The following TRPV5 variants were observed in gnomAD, a reference collection of about 807,000 sequenced individuals.
TRPV5 encodes the protein transient receptor potential cation channel subfamily V member 5, also known as calcium transport protein 2.
A neutral mutation model predicts 74.1 loss-of-function variants in TRPV5; 66 were observed. That is an observed-to-expected ratio of 0.89 (90% CI 0.73 to 1.09). The LOEUF (loss-of-function observed/expected upper bound fraction) is 1.09. Among genes scored for constraint, TRPV5 ranks in the 50% least tolerant of loss-of-function variants. The pLI is 0.00. For synonymous variants in TRPV5, 399 were observed against 360.7 expected (o/e 1.11, Z -1.20); for missense variants, 936 against 930.4 (o/e 1.01, Z -0.08).
intron 13 of TRPV5, 46 bp from the exon 14 acceptor site, chr7:142,909,642 A>T: frequency 6.3e-7 from 1 of 1,590,166 alleles, no homozygotes; most frequent in South Asian, 1.1e-5. Context: ...AAGAGCCATG[A>T]GGTTCAAAGA....
chr7:142,929,034 G>T lies in TRPV5; in HGVS notation c.574C>A (p.Gln192Lys). Residue 192 changes from glutamine to lysine, a missense_variant, in exon 5 of 15, where the codon CAG becomes AAG. Gln to Lys is a moderately conservative substitution (Grantham distance 53, BLOSUM62 1). Coordinates refer to ENST00000265310, the MANE Select transcript of TRPV5 (RefSeq NM_019841.7). ...LIEHGADIRA[Q>K]DSLGNTVLHI... The stretch of plus-strand genomic sequence containing the variant: ...TCCCAGCTCTTACCCAGGGAGTCCT[G>T]GGCCCTGATGTCAGCTCCATGCTCA... The T allele has an allele frequency of 6.2e-7, 1 of 1,613,966 alleles. No individual in the cohort carries two copies. The highest frequency in any genetic ancestry group is 8.5e-7 in the Non-Finnish European group (1 of 1,180,010).
At chr7:142,932,045 G>A (rs1796104870) in intron 1 of TRPV5, among the ~76,000 whole-genome samples, 1 of 152,114 alleles carries the variant, frequency 6.6e-6, no homozygotes. Context: ...CTAAAGGTGG[G>A]GCCTGGTTTT....
chr7:142,912,585 A>G lies in TRPV5; in HGVS notation c.1685T>C (p.Phe562Ser). The change falls in exon 13 of 15, where the codon TTC becomes TCC. Residue 562 changes from phenylalanine (F) to serine (S), a missense_variant. Coordinates refer to ENST00000265310, the MANE Select transcript of TRPV5 (RefSeq NM_019841.7). ...PFMFSIVNFAFTIIATLLMLN... is the reference protein window; with the variant it reads ...PFMFSIVNFASTIIATLLMLN... ...CATGAGCAGTGTGGCAATGATGGTG[A>G]AGGCGAAGTTGACAATGCTGAACAT... 6.2e-7 allele frequency: 1 copy of G among 1,614,036 alleles called. No homozygotes were observed.
In TRPV5 at chr7:142,912,516, A is replaced by G. The variant is rs775097815; in HGVS notation, c.1754T>C (p.Val585Ala). Residue 585 changes from valine to alanine, a missense_variant, in exon 13 of 15, where the codon GTG becomes GCG. Physicochemically the swap from Val to Ala is moderately conservative, Grantham distance 64. Transcript: ENST00000265310. Reference protein sequence around the residue: ...IAMMGDTHWRVAQERDELWRA... With the variant: ...IAMMGDTHWRAAQERDELWRA... ...CCAGAGCTCATCCCTCTCCTGGGCC[A>G]CCCTCCAGTGGGTGTCGCCCATCAT... 8.7e-6 allele frequency: 14 copies of G among 1,614,168 alleles called. No homozygotes were observed. Among genetic ancestry groups the G allele is most frequent in the Non-Finnish European group, 1.2e-5 (14 of 1,180,012 alleles).
chr7:142,930,274 C>T (rs763957553), intron 2 of TRPV5, 75 bp downstream of exon 2: 70 of 1,610,508 alleles, frequency 4.3e-5, no homozygotes, highest in Non-Finnish European at 5.9e-5. Flanking sequence ...GGCCCTATTT[C>T]ACAAACTCGA....
intron 12 of TRPV5, 152 bp downstream of exon 12, chr7:142,914,488 A>G (rs151150519): frequency 1.3e-6 from 1 of 750,700 alleles, no homozygotes; most frequent in Non-Finnish European, 2.2e-6. Context: ...GTGCTTTTAG[A>G]CTTACCTTCC....
intron 12 of TRPV5, 61 bp from the exon 13 acceptor site, chr7:142,912,811 A>C: frequency 6.4e-7 from 1 of 1,552,838 alleles, no homozygotes; most frequent in Non-Finnish European, 8.8e-7. Flanking sequence ...ATAAGCATGG[A>C]CATGGTTAGC....
chr7:142,925,399 A>G (rs1795966505), intron 8 of TRPV5, 130 bp downstream of exon 8: 1 of 857,902 alleles, frequency 1.2e-6, no homozygotes, highest in African/African-American at 1.7e-5. Context: ...TCTAATTTCT[A>G]CCTGGGTGTT....
rs780603070 is a variant in TRPV5, at chr7:142,933,369, G to T, written c.91C>A (p.Gln31Lys). 2 of 1,613,966 alleles carry T rather than the reference G, an allele frequency of 1.2e-6. No homozygotes were observed. Among genetic ancestry groups the T allele is most frequent in the African/African-American group, 1.3e-5 (1 of 74,918 alleles). The change falls in exon 1 of 15, where the codon CAG (glutamine) becomes AAG (lysine). Residue 31 changes from glutamine (Q) to lysine (K), a missense_variant. Transcript: ENST00000265310. ...AGCATATGAAGCTTGTCCAGGTGCTGGTCCCAGTCTTGTTCTCTGACCAGA... is the reference window on the plus strand; with the variant it reads ...AGCATATGAAGCTTGTCCAGGTGCTTGTCCCAGTCTTGTTCTCTGACCAGA... Reference protein sequence around the residue: ...SFLVREQDWDQHLDKLHMLQQ... With the variant: ...SFLVREQDWDKHLDKLHMLQQ...
At chr7:142,924,357 TATACATGTATATATATAC>T (rs1795944609) in intron 8 of TRPV5, among the ~76,000 whole-genome samples, 3 of 23,186 alleles carry the variant, frequency 1.3e-4, no homozygotes, top group Admixed American at 9.4e-4. Context: ...TATATAGACA[TATACATGTATATATATAC>T]ATATATATAT....
chr7:142,920,198 C>T (rs1167352077), intron 8 of TRPV5, among the ~76,000 whole-genome samples: 1 of 152,180 alleles, frequency 6.6e-6, no homozygotes, highest in Non-Finnish European at 1.5e-5. Flanking sequence ...ATCTGGTTCC[C>T]ATGTAAGTCA....
chr7:142,912,335 C>T, intron 13 of TRPV5, 147 bp downstream of exon 13: 1 of 1,020,998 alleles, frequency 9.8e-7, no homozygotes, highest in Non-Finnish European at 1.4e-6. Flanking sequence ...TCCACATGTA[C>T]CTCAGGTTTA....
At chr7:142,910,380 T>C (rs966228719) in intron 13 of TRPV5, among the ~76,000 whole-genome samples, 4 of 152,184 alleles carry the variant, frequency 2.6e-5, no homozygotes, top group African/African-American at 9.7e-5. Context: ...CATTTGTATA[T>C]TTGCTAAAAG....
At chr7:142,925,829 A>T in intron 7 of TRPV5, 88 bp from the exon 8 acceptor site, 1 of 1,070,946 alleles carries the variant, frequency 9.3e-7, no homozygotes. Context: ...CAGGGCAGCA[A>T]CCATCACTCA....
Position 142,933,546 on chromosome 7 carries a change from T to A in TRPV5, c.-87A>T. On this transcript the variant is annotated 5_prime_UTR_variant, in exon 1 of 15. Transcript: ENST00000265310. ...GACAGCAACTGAGCAAGAGATGGGG[T>A]CTATTTGGGGCTGGGACTCTGAGTT... 6.5e-7 allele frequency: 1 copy of A among 1,536,530 alleles called. No homozygotes were observed. Among genetic ancestry groups the A allele is most frequent in the Non-Finnish European group, 8.8e-7 (1 of 1,139,232 alleles).
chr7:142,920,573 G>A (rs539110309), intron 8 of TRPV5, among the ~76,000 whole-genome samples: 1 of 152,256 alleles, frequency 6.6e-6, no homozygotes, highest in Admixed American at 6.5e-5. Flanking sequence ...CACTCTGGAG[G>A]GAGAAATGGC....
intron 7 of TRPV5, among the ~76,000 whole-genome samples, chr7:142,926,564 C>G (rs1464694864): frequency 1.3e-5 from 2 of 152,074 alleles, no homozygotes; most frequent in Non-Finnish European, 2.9e-5. Context: ...TGAAGGATCC[C>G]CAGCCAGAAA....
chr7:142,908,711 C>A lies in TRPV5; in HGVS notation c.1993G>T (p.Glu665Ter). The change falls in exon 15 of 15, where the codon GAG (glutamate) becomes TAG (stop). Residue 665 changes from glutamate to a stop codon, truncating the protein, a stop_gained. Transcript: ENST00000265310. LOFTEE classifies it low-confidence loss of function (END_TRUNC). ...DKEDDQEHPS[E>*]KQPSGAESGT... ...CTCTCAGCCCCAGAGGGCTGTTTCT[C>A]AGATGGATGCTCCTGGTCATCCTCC... 1.2e-6 allele frequency: 2 copies of A among 1,614,220 alleles called. No individual in the cohort carries two copies. Among genetic ancestry groups the A allele is most frequent in the Non-Finnish European group, 1.7e-6 (2 of 1,180,040 alleles).
Position 142,933,241 on chromosome 7 carries a change from C to T in TRPV5, c.128+91G>A. 2.6e-6 allele frequency: 4 copies of T among 1,522,830 alleles called. No homozygotes were observed. The South Asian group carries it at 5.0e-5, about 19-fold the overall frequency. 94.3% of individuals were successfully genotyped at this position (1,522,830 alleles called of 1,614,324 possible). A position where few individuals can be genotyped will look rare whatever the true frequency, so the allele number is the denominator to read the frequency against. ...AGTGACTGGCACTGACAATACACTT[C>T]TAGGGTGCTGTATTCGGAAAGCAGG... On this transcript the variant is annotated intron_variant, in intron 1 of 14. Coordinates refer to ENST00000265310, the MANE Select transcript of TRPV5 (RefSeq NM_019841.7).
Sources: allele counts gnomAD v4.1 joint callset (sites outside exome capture counted in the v4.1 genomes callset), GRCh38; gene constraint gnomAD v4.1.1; transcripts MANE v1.5; gene names NCBI Gene and HGNC (gene_info 2026-07-23, HGNC 2026-07-21).